Variants in IGF1R observed in about 807,000 individuals in gnomAD.
The protein encoded by IGF1R is insulin-like growth factor 1 receptor.
In IGF1R, 44 loss-of-function variants were observed where a neutral mutation model predicts 144.6. That is an observed-to-expected ratio of 0.30 (90% confidence interval 0.24 to 0.39). The LOEUF is 0.39. Among genes scored for constraint, IGF1R ranks in the 10% least tolerant of loss-of-function variants. IGF1R has a pLI of 1.00. For missense variants in IGF1R, 1,355 were observed against 1,833.7 expected (o/e 0.74, Z 4.77); for synonymous variants, 795 against 722.8 (o/e 1.10, Z -1.60).
Position 98,891,474 on chromosome 15 carries a change from T to TGCCC in IGF1R, c.795_798dup (p.Asn267AlafsTer7). On this transcript the variant is annotated frameshift_variant, in exon 3 of 21. Coordinates refer to ENST00000650285, the MANE Select transcript of IGF1R (RefSeq NM_000875.5). LOFTEE classifies it high-confidence loss of function. The surrounding 1 kb of genome is among the most constrained non-coding windows in gnomAD (Gnocchi z 4.7). ...CTATGCCGGTGTCTGTGTGCCTGCCTGCCCGCCCAACACCTACAGGTTTGA... is the reference window on the plus strand; with the variant it reads ...CTATGCCGGTGTCTGTGTGCCTGCCTGCCCGCCCGCCCAACACCTACAGGTTTGA... The TGCCC allele has an allele frequency of 6.2e-7, 1 of 1,614,162 alleles. No homozygotes were observed. Among genetic ancestry groups the TGCCC allele is most frequent in the Non-Finnish European group, 8.5e-7 (1 of 1,180,034 alleles).
intron 2 of IGF1R, among the ~76,000 whole-genome samples, chr15:98,723,832 T>A (rs899131595): frequency 1.2e-4 from 18 of 152,334 alleles, no homozygotes; most frequent in East Asian, 3.9e-4. Flanking sequence ...AGATTTTTTT[T>A]TAAATGCATG....
intron 2 of IGF1R, among the ~76,000 whole-genome samples, chr15:98,719,094 C>T (rs1421482120): frequency 6.6e-6 from 1 of 152,226 alleles, no homozygotes; most frequent in Non-Finnish European, 1.5e-5. Flanking sequence ...CCTCAGTGAA[C>T]TTGAAATGAT....
chr15:98,952,303 A>AACACACACACAC (rs143223923), intron 20 of IGF1R, among the ~76,000 whole-genome samples: 15,124 of 146,512 alleles, frequency 0.1, 834 homozygotes, highest in Non-Finnish European at 0.12. Context: ...GTACCCCACC[A>AACACACACACAC]ACACACACAC....
At chr15:98,942,513 A>AT (rs1387701921) in intron 18 of IGF1R, among the ~76,000 whole-genome samples, 2 of 151,998 alleles carry the variant, frequency 1.3e-5, no homozygotes, top group African/African-American at 4.8e-5. Flanking sequence ...AATTTTTAAA[A>AT]TTTTTTATAC....
At chr15:98,907,663 G>A (rs1346610406) in intron 5 of IGF1R, among the ~76,000 whole-genome samples, 1 of 152,220 alleles carries the variant, frequency 6.6e-6, no homozygotes, top group Admixed American at 6.5e-5. Flanking sequence ...CCACTGCGGG[G>A]ATCTTTCTCT....
intron 20 of IGF1R, among the ~76,000 whole-genome samples, chr15:98,955,018 C>CCT (rs1272941083): frequency 6.6e-6 from 1 of 152,190 alleles, no homozygotes; most frequent in Non-Finnish European, 1.5e-5. Context: ...TTCTGTTGCG[C>CCT]AGAGAACTCC....
At chr15:98,720,643 G>A (rs1169205608) in intron 2 of IGF1R, among the ~76,000 whole-genome samples, 1 of 152,200 alleles carries the variant, frequency 6.6e-6, no homozygotes, top group Admixed American at 6.5e-5. Context: ...CAGTGATAGG[G>A]CAGAAGGAAA....
intron 20 of IGF1R, among the ~76,000 whole-genome samples, chr15:98,949,077 C>G (rs1052822663): frequency 6.6e-6 from 1 of 152,178 alleles, no homozygotes; most frequent in Admixed American, 6.5e-5. Context: ...ACATACTACT[C>G]TGAAGTCGAA....
Position 98,724,304 on chromosome 15 carries a change from G to A in IGF1R, c.640+16197G>A, listed in dbSNP as rs74032551. Among the ~76,000 whole-genome samples, 1,165 of 152,326 alleles carry A rather than the reference G, an allele frequency of 7.6e-3. 20 individuals carry two copies. The highest frequency in any genetic ancestry group is 0.027 in the African/African-American group (1,110 of 41,558). ...TTCTGATTTGTGTTAAAGTTTAGGTGTGGGTCCCAGAAATGAGTTTCATGG... is the reference window on the plus strand; with the variant it reads ...TTCTGATTTGTGTTAAAGTTTAGGTATGGGTCCCAGAAATGAGTTTCATGG... On this transcript the variant is annotated intron_variant, in intron 2 of 20. Coordinates refer to ENST00000650285, the MANE Select transcript of IGF1R (RefSeq NM_000875.5).
intron 4 of IGF1R, 29 bp downstream of exon 4, chr15:98,896,934 G>T (rs1410200693): frequency 6.2e-7 from 1 of 1,611,336 alleles, no homozygotes; most frequent in South Asian, 1.1e-5. Flanking sequence ...TGGAAAAACG[G>T]CTAGATCTCA....
In IGF1R at chr15:98,948,494, TAAG is replaced by T; in HGVS notation, c.3588-76_3588-74del. The T allele has an allele frequency of 2.8e-6, 4 of 1,446,876 alleles. No individual in the cohort carries two copies. The South Asian group carries it at 3.4e-5, about 12-fold the overall frequency. 89.6% of individuals were successfully genotyped at this position (1,446,876 alleles called of 1,614,324 possible). A position where few individuals can be genotyped will look rare whatever the true frequency, so the allele number is the denominator to read the frequency against. ...AAGGACAGTTTATCTGCTCGGGATG[TAAG>T]AAGTGCTGGAAAGGAGGGGGCAGCA... On this transcript the variant is annotated intron_variant, in intron 19 of 20. Coordinates refer to ENST00000650285, the MANE Select transcript of IGF1R (RefSeq NM_000875.5).
intron 2 of IGF1R, among the ~76,000 whole-genome samples, chr15:98,805,021 G>C (rs959920628): frequency 6.6e-6 from 1 of 152,160 alleles, no homozygotes; most frequent in Non-Finnish European, 1.5e-5. Flanking sequence ...TAAAATAAAT[G>C]ATAGATTCTC....
chr15:98,906,207 G>A (rs1370546225), intron 5 of IGF1R, among the ~76,000 whole-genome samples: 1 of 152,210 alleles, frequency 6.6e-6, no homozygotes, highest in Non-Finnish European at 1.5e-5. Context: ...TCCCGTGGGG[G>A]AGAAGAATGT....
chr15:98,785,769 C>T (rs2055977932), intron 2 of IGF1R, among the ~76,000 whole-genome samples: 1 of 151,952 alleles, frequency 6.6e-6, no homozygotes, highest in African/African-American at 2.4e-5. Flanking sequence ...GGAAGTGATC[C>T]CCACCCACCT....
At position 98,782,977 on chromosome 15, in the gene IGF1R, G is replaced by T. The variant is rs79710302; in HGVS notation, c.640+74870G>T. Among the ~76,000 whole-genome samples the T allele has an allele frequency of 3.5e-4, 53 of 152,300 alleles. No homozygotes were observed. The East Asian group carries it at 0.01, about 29-fold the overall frequency. The stretch of plus-strand genomic sequence containing the variant: ...GGAGCTGTGACTTCCTGATGAAGTG[G>T]CAGCACACAGGCTGAATATGTTCTA... On this transcript the variant is annotated intron_variant, in intron 2 of 20. Coordinates refer to ENST00000650285, the MANE Select transcript of IGF1R (RefSeq NM_000875.5).
intron 2 of IGF1R, among the ~76,000 whole-genome samples, chr15:98,783,725 A>T (rs1384573005): frequency 6.6e-6 from 1 of 152,158 alleles, no homozygotes; most frequent in Non-Finnish European, 1.5e-5. Context: ...CTAGTTTATT[A>T]CTAATTATCA....
At chr15:98,904,939 C>T (rs944396126) in intron 5 of IGF1R, among the ~76,000 whole-genome samples, 4 of 152,202 alleles carry the variant, frequency 2.6e-5, no homozygotes, top group South Asian at 2.1e-4. Context: ...TAAAAGCTCA[C>T]GGTATCCTTT....
chr15:98,907,432 C>T (rs2014786269), intron 5 of IGF1R, among the ~76,000 whole-genome samples: 1 of 152,184 alleles, frequency 6.6e-6, no homozygotes, highest in South Asian at 2.1e-4. Context: ...GCAGGGAGGG[C>T]TGGGGTTCTT....
At chr15:98,870,358 A>G (rs2141604329) in intron 2 of IGF1R, among the ~76,000 whole-genome samples, 1 of 152,338 alleles carries the variant, frequency 6.6e-6, no homozygotes, top group South Asian at 2.1e-4. Flanking sequence ...TGTTATCATA[A>G]AATGATGGGG....
Sources: gnomAD v4.1 joint callset for allele counts (sites outside exome capture counted in the v4.1 genomes callset) on GRCh38, gnomAD v4.1.1 for gene constraint, Gnocchi (gnomAD v3.1) non-coding constraint, MANE v1.5 for transcripts, NCBI Gene and HGNC (gene_info 2026-07-23, HGNC 2026-07-21) for gene names.